DGKD: variants seen among roughly 807,000 people sequenced by gnomAD.
The protein encoded by DGKD is DAG kinase delta.
DGKD carries 68 observed loss-of-function variants against 154.4 expected under a neutral mutation model. The observed-to-expected ratio is 0.44, with a 90% CI of 0.36 to 0.54. DGKD has a LOEUF of 0.54. Ranked by LOEUF, DGKD falls within the 20% of genes least tolerant of loss-of-function variation. The pLI is 0.00. For synonymous variants in DGKD, 693 were observed against 638.0 expected (o/e 1.09, Z -1.30); for missense variants, 1,343 against 1,593.6 (o/e 0.84, Z 2.68).
At chr2:233,463,020 G>C (rs2924813) in intron 26 of DGKD, among the ~76,000 whole-genome samples, 1 of 152,056 alleles carries the variant, frequency 6.6e-6, no homozygotes, top group Admixed American at 6.5e-5. Flanking sequence ...GCAGAGTCCT[G>C]CTCCTGCCGA....
chr2:233,405,835 A>C (rs2061673448), intron 3 of DGKD, among the ~76,000 whole-genome samples: 1 of 152,250 alleles, frequency 6.6e-6, no homozygotes, highest in Admixed American at 6.5e-5. Flanking sequence ...TAATAGCTAT[A>C]TAATACTGCA....
In DGKD at chr2:233,444,926, A is replaced by G. The variant is rs569816279; in HGVS notation, c.1195-697A>G. ...CTGTTGTCAGAGTCAAAGGCTGGTGAGCTCTGGGCAGTGGGCATTTTAAGA... is the reference window on the plus strand; with the variant it reads ...CTGTTGTCAGAGTCAAAGGCTGGTGGGCTCTGGGCAGTGGGCATTTTAAGA... On this transcript the variant is annotated intron_variant, in intron 10 of 29. Transcript: ENST00000264057. Among the ~76,000 whole-genome samples, 121 of 151,450 alleles carry G rather than the reference A, an allele frequency of 8.0e-4. 2 individuals carry two copies. Among genetic ancestry groups the G allele is most frequent in the African/African-American group, 2.9e-3 (118 of 41,246 alleles).
Position 233,441,266 on chromosome 2 carries a change from G to A in DGKD, c.1086-621G>A, listed in dbSNP as rs534417647. Among the ~76,000 whole-genome samples the A allele has an allele frequency of 4.6e-5, 7 of 152,274 alleles. No individual in the cohort carries two copies. Among genetic ancestry groups the A allele is most frequent in the South Asian group, 4.1e-4 (2 of 4,828 alleles). On this transcript the variant is annotated intron_variant, in intron 9 of 29. Transcript: ENST00000264057. This position sits in a 1 kb window ranked among gnomAD's most constrained non-coding sequence, Gnocchi z 5.6. ...CCGAGGAGTTAGGAGGGTAGGAGGCGTGGGTCACATCACCGGAGGACTGAG... is the reference window on the plus strand; with the variant it reads ...CCGAGGAGTTAGGAGGGTAGGAGGCATGGGTCACATCACCGGAGGACTGAG...
intron 3 of DGKD, among the ~76,000 whole-genome samples, chr2:233,398,998 T>C (rs2061493695): frequency 6.6e-6 from 1 of 152,234 alleles, no homozygotes; most frequent in Non-Finnish European, 1.5e-5. Context: ...TTTATGCTTT[T>C]ATTTACTTAT....
intron 3 of DGKD, among the ~76,000 whole-genome samples, chr2:233,431,925 C>T (rs988478214): frequency 6.6e-6 from 1 of 152,162 alleles, no homozygotes; most frequent in South Asian, 2.1e-4. Flanking sequence ...TGAGTAATTC[C>T]CACAAGCACA....
At chr2:233,371,631 C>T (rs1702327780) in intron 1 of DGKD, among the ~76,000 whole-genome samples, 1 of 152,144 alleles carries the variant, frequency 6.6e-6, no homozygotes, top group Non-Finnish European at 1.5e-5. Context: ...AAGATTTATA[C>T]CTATGTTCTT....
chr2:233,366,982 C>G (rs951398954), intron 1 of DGKD, among the ~76,000 whole-genome samples: 11 of 152,114 alleles, frequency 7.2e-5, no homozygotes, highest in African/African-American at 2.4e-4. Context: ...ACCATTATAC[C>G]TGAAAAAACT....
chr2:233,446,525 G>A (rs867979104), intron 11 of DGKD, among the ~76,000 whole-genome samples, 187 bp from the exon 12 acceptor site: 2 of 152,230 alleles, frequency 1.3e-5, no homozygotes, highest in East Asian at 1.9e-4. Flanking sequence ...CTGTACTGCC[G>A]TTAGTTGTGG....
At position 233,457,102 on chromosome 2, in the gene DGKD, C is replaced by T. The variant is rs2063484465; in HGVS notation, c.2472+107C>T. The stretch of plus-strand genomic sequence containing the variant: ...CATTTCCTCCATGCACAGGGACTTG[C>T]CTGGGGATGCCCTGGCCACGGCTGT... On this transcript the variant is annotated intron_variant, in intron 20 of 29. Transcript: ENST00000264057. The surrounding 1 kb of genome is among the most constrained non-coding windows in gnomAD (Gnocchi z 5.5). 3 of 1,317,116 alleles carry T rather than the reference C, an allele frequency of 2.3e-6. No homozygotes were observed. Among genetic ancestry groups the T allele is most frequent in the Non-Finnish European group, 3.3e-6 (3 of 918,936 alleles). 81.6% of individuals were successfully genotyped at this position (1,317,116 alleles called of 1,614,324 possible).
chr2:233,469,024 G>A (rs1041500353), intron 29 of DGKD, among the ~76,000 whole-genome samples: 3 of 152,216 alleles, frequency 2.0e-5, no homozygotes, highest in African/African-American at 4.8e-5. Context: ...ACCCCTGGGT[G>A]TTGAATCACT....
intron 1 of DGKD, among the ~76,000 whole-genome samples, chr2:233,371,355 ACC>A (rs1395262433): frequency 6.6e-6 from 1 of 152,186 alleles, no homozygotes; most frequent in Non-Finnish European, 1.5e-5. Flanking sequence ...TTGAAGAAAT[ACC>A]TATTCAGGTC....
rs1315999467 is a variant in DGKD, at chr2:233,470,627, G to C, written c.*1167G>C. On this transcript the variant is annotated 3_prime_UTR_variant, in exon 30 of 30. Coordinates refer to ENST00000264057, the MANE Select transcript of DGKD (RefSeq NM_152879.3). ...CCTGGGGAGAGGGCTGTGCCCCGTA[G>C]GGACAGTGCCCAGGTGAAGGATGCC... The C allele has an allele frequency of 5.2e-5, 8 of 152,522 alleles. No homozygotes were observed. Among genetic ancestry groups the C allele is most frequent in the Non-Finnish European group, 1.2e-4 (8 of 68,168 alleles). The allele number at this position is 152,522 out of a possible 1,614,324, so 9.4% of individuals were successfully genotyped here.
At chr2:233,418,592 T>A (rs1479730644) in intron 3 of DGKD, among the ~76,000 whole-genome samples, 1 of 152,260 alleles carries the variant, frequency 6.6e-6, no homozygotes, top group Non-Finnish European at 1.5e-5. Flanking sequence ...TTTAACTTCT[T>A]GCCAAGTTGG....
intron 7 of DGKD, 65 bp downstream of exon 7, chr2:233,436,506 C>T (rs2062701277): frequency 6.4e-7 from 1 of 1,557,990 alleles, no homozygotes; most frequent in Non-Finnish European, 8.7e-7. Flanking sequence ...CCATGCGGGC[C>T]TTGCGGCTCC....
chr2:233,467,115 T>A lies in DGKD; in HGVS notation c.3336T>A (p.Ser1112Arg). 6.2e-7 allele frequency: 1 copy of A among 1,614,172 alleles called. No homozygotes were observed. Among genetic ancestry groups the A allele is most frequent in the Non-Finnish European group, 8.5e-7 (1 of 1,180,006 alleles). ...ESVMLDLAKR[S>R]RSGKFRLVTK... is the part of the protein sequence containing the mutation. ...TGATGCTGGATCTTGCCAAGCGCAG[T>A]CGCAGTGGTAAATTCCGCCTCGTGA... Residue 1112 changes from serine to arginine, a missense_variant, in exon 28 of 30, where the codon AGT (serine) becomes AGA (arginine). Physicochemically the swap from Ser to Arg is moderately radical, Grantham distance 110. Transcript: ENST00000264057.
intron 3 of DGKD, among the ~76,000 whole-genome samples, chr2:233,403,623 C>T (rs2061610639): frequency 6.6e-6 from 1 of 151,276 alleles, no homozygotes; most frequent in Non-Finnish European, 1.5e-5. Flanking sequence ...CAGTTGTTTT[C>T]TTTTTTCATG....
intron 3 of DGKD, among the ~76,000 whole-genome samples, chr2:233,403,432 C>T (rs942155180): frequency 6.6e-6 from 1 of 151,490 alleles, no homozygotes; most frequent in Non-Finnish European, 1.5e-5. Context: ...TGGTGGTGGG[C>T]GCCTGTAATC....
At chr2:233,388,045 AC>A in intron 1 of DGKD, 2 of 1,097,944 alleles carry the variant, frequency 1.8e-6, no homozygotes, top group Non-Finnish European at 2.5e-6. Context: ...ACACAGGCAC[AC>A]ATTGCCCCTT....
rs751518875 is a variant in DGKD, at chr2:233,457,495, C to T, written c.2580+167C>T. 1 of 694,060 alleles carries T rather than the reference C, an allele frequency of 1.4e-6. No homozygotes were observed. Among genetic ancestry groups the T allele is most frequent in the Non-Finnish European group, 2.6e-6 (1 of 379,678 alleles). 43.0% of individuals were successfully genotyped at this position (694,060 alleles called of 1,614,324 possible). A position where few individuals can be genotyped will look rare whatever the true frequency, so the allele number is the denominator to read the frequency against. On this transcript the variant is annotated intron_variant, in intron 21 of 29. Coordinates refer to ENST00000264057, the MANE Select transcript of DGKD (RefSeq NM_152879.3). The surrounding 1 kb of genome is among the most constrained non-coding windows in gnomAD (Gnocchi z 5.5). ...CAGGGTCCCCCACCCAGCTCATCGTCTAGAGGGCTGAGCAGAGCAGTTGTG... is the reference window on the plus strand; with the variant it reads ...CAGGGTCCCCCACCCAGCTCATCGTTTAGAGGGCTGAGCAGAGCAGTTGTG...
Sources: allele counts gnomAD v4.1 joint callset (sites outside exome capture counted in the v4.1 genomes callset), GRCh38; gene constraint gnomAD v4.1.1; non-coding constraint Gnocchi (gnomAD v3.1); transcripts MANE v1.5; gene names NCBI Gene and HGNC (gene_info 2026-07-23, HGNC 2026-07-21).